LOC400499: variants seen among roughly 807,000 people sequenced by gnomAD.
chr16:11,481,486 C>T, the LOC400499 span, among the ~76,000 whole-genome samples: 2 of 152,082 alleles, frequency 1.3e-5, no homozygotes, highest in African/African-American at 2.4e-5. Context: ...CCACACCTGG[C>T]TAATTTTTGT....
the LOC400499 span, among the ~76,000 whole-genome samples, chr16:11,440,367 C>T: frequency 6.6e-6 from 1 of 152,192 alleles, no homozygotes; most frequent in African/African-American, 2.4e-5. Context: ...ACCTTTCTAC[C>T]TATGGGTCTG....
chr16:11,462,038 G>A, the LOC400499 span: 1 of 1,252,896 alleles, frequency 8.0e-7, no homozygotes. Context: ...CAGTGATGAG[G>A]ACCATAAGGA....
the LOC400499 span, among the ~76,000 whole-genome samples, chr16:11,404,036 T>G: frequency 6.6e-6 from 1 of 152,116 alleles, no homozygotes; most frequent in Non-Finnish European, 1.5e-5. Context: ...AAACCTCATT[T>G]CCAAGTGGGG....
the LOC400499 span, among the ~76,000 whole-genome samples, chr16:11,446,138 T>C: frequency 1.3e-5 from 2 of 151,480 alleles, no homozygotes; most frequent in Non-Finnish European, 2.9e-5. Flanking sequence ...AGAACTTTTT[T>C]GTGTGTGAGG....
the LOC400499 span, among the ~76,000 whole-genome samples, chr16:11,384,523 C>G: frequency 2.0e-5 from 3 of 152,214 alleles, no homozygotes; most frequent in Non-Finnish European, 4.4e-5. Context: ...AGAGAAAGCA[C>G]AGGGGCTCAG....
chr16:11,468,966 T>C, the LOC400499 span, among the ~76,000 whole-genome samples: 1 of 152,362 alleles, frequency 6.6e-6, no homozygotes, highest in Middle Eastern at 3.4e-3. Flanking sequence ...TTAATATCCA[T>C]TTTTAACATC....
chr16:11,415,758 T>A, the LOC400499 span, among the ~76,000 whole-genome samples: 9,511 of 152,068 alleles, frequency 0.063, 292 homozygotes, highest in Middle Eastern at 0.19. Context: ...GGGGCGGCCA[T>A]ACCAGGCATC....
chr16:11,458,932 G>C, the LOC400499 span, among the ~76,000 whole-genome samples: 9 of 151,808 alleles, frequency 5.9e-5, no homozygotes, highest in African/African-American at 2.2e-4. Context: ...AACTACTCAG[G>C]AGGCTGAGGC....
chr16:11,441,858 A>G, the LOC400499 span, among the ~76,000 whole-genome samples: 3 of 152,362 alleles, frequency 2.0e-5, no homozygotes, highest in Middle Eastern at 3.4e-3. Flanking sequence ...CCTTGATTTT[A>G]GCCACGTGAG....
chr16:11,390,220 A>C, the LOC400499 span: 2 of 1,232,518 alleles, frequency 1.6e-6, no homozygotes, highest in Non-Finnish European at 2.0e-6. Context: ...GGGAGGGGAC[A>C]GTGAGAGCTG....
At chr16:11,391,565 T>A in the LOC400499 span, 2 of 1,038,312 alleles carry the variant, frequency 1.9e-6, no homozygotes, top group East Asian at 3.2e-5. Flanking sequence ...ACATTTCTGA[T>A]TGAAACAGTG....
At chr16:11,398,543 T>C in the LOC400499 span, 3 of 1,230,016 alleles carry the variant, frequency 2.4e-6, no homozygotes, top group South Asian at 4.1e-5. Context: ...CAGGGGCTCA[T>C]CACCTAAGAG....
At chr16:11,504,625 A>G in the LOC400499 span, among the ~76,000 whole-genome samples, 1 of 151,550 alleles carries the variant, frequency 6.6e-6, no homozygotes, top group Non-Finnish European at 1.5e-5. Context: ...CCAATAACAC[A>G]TGATAATAGT....
the LOC400499 span, chr16:11,471,885 G>A: frequency 2.3e-5 from 9 of 398,796 alleles, no homozygotes; most frequent in Middle Eastern, 1.2e-3. Flanking sequence ...ATGGGTGCCC[G>A]CAGCTGCCAC....
chr16:11,504,923 G>GA, the LOC400499 span, among the ~76,000 whole-genome samples: 1,349 of 147,234 alleles, frequency 9.2e-3, 23 homozygotes, highest in African/African-American at 0.031. Flanking sequence ...ACCCTGTCTC[G>GA]AAAAAAAAAA....
chr16:11,409,130 G>A, the LOC400499 span, among the ~76,000 whole-genome samples: 1 of 151,874 alleles, frequency 6.6e-6, no homozygotes, highest in Non-Finnish European at 1.5e-5. Flanking sequence ...GCATGGTAGT[G>A]CATGCCTGTA....
chr16:11,511,830 C>T, the LOC400499 span, among the ~76,000 whole-genome samples: 14 of 152,166 alleles, frequency 9.2e-5, no homozygotes, highest in South Asian at 2.9e-3. Context: ...AGTTTGAGAC[C>T]AGCCTGGGCA....
At chr16:11,401,765 G>C in the LOC400499 span, among the ~76,000 whole-genome samples, 4 of 152,212 alleles carry the variant, frequency 2.6e-5, no homozygotes, top group African/African-American at 9.7e-5. Flanking sequence ...CAGATGGGAG[G>C]CTGATGTGTG....
chr16:11,390,523 G>A, the LOC400499 span: 6 of 1,204,538 alleles, frequency 5.0e-6, no homozygotes, highest in Non-Finnish European at 5.2e-6. Context: ...AACCAGCCCT[G>A]CCCAGACACG....
Sources: gnomAD v4.1 joint callset for allele counts (sites outside exome capture counted in the v4.1 genomes callset) on GRCh38, gnomAD v4.1.1 for gene constraint, MANE v1.5 for transcripts.